Variants in ASXL1 observed in about 807,000 individuals in gnomAD.
The protein encoded by ASXL1 is ASXL transcriptional regulator 1.
ASXL1 carries 65 observed loss-of-function variants against 89.1 expected under a neutral mutation model. That is an observed-to-expected ratio of 0.73 (90% CI 0.60 to 0.90). ASXL1 has a LOEUF of 0.90. Ranked by LOEUF, ASXL1 falls within the 40% of genes least tolerant of loss-of-function variation. The pLI is 0.00. For missense variants in ASXL1, 1,786 were observed against 1,942.9 expected (o/e 0.92, Z 1.52); for synonymous variants, 739 against 746.9 (o/e 0.99, Z 0.17).
intron 4 of ASXL1, among the ~76,000 whole-genome samples, chr20:32,416,273 A>C (rs1213338630): frequency 6.6e-6 from 1 of 152,134 alleles, no homozygotes; most frequent in African/African-American, 2.4e-5. Context: ...TACTCCTTCT[A>C]TTTAACTGTA....
At chr20:32,394,137 G>A (rs2048721020) in intron 4 of ASXL1, among the ~76,000 whole-genome samples, 1 of 151,936 alleles carries the variant, frequency 6.6e-6, no homozygotes, top group African/African-American at 2.4e-5. Context: ...CAAGTAGCTG[G>A]TATTACAGGC....
intron 3 of ASXL1, among the ~76,000 whole-genome samples, chr20:32,367,983 G>T (rs114649653): frequency 1.7e-3 from 258 of 152,194 alleles, no homozygotes; most frequent in African/African-American, 6.1e-3. Context: ...ATTGGTTCTT[G>T]GTGAAAAATT....
rs776979634 is a variant in ASXL1, at chr20:32,434,675, A to G, written c.1963A>G (p.Thr655Ala). 19 of 1,602,622 alleles carry G rather than the reference A, an allele frequency of 1.2e-5. No homozygotes were observed. Among genetic ancestry groups the G allele is most frequent in the Middle Eastern group, 1.7e-4 (1 of 6,060 alleles). The change falls in exon 13 of 13, where the codon ACC becomes GCC. Residue 655 changes from threonine to alanine, a missense_variant. Transcript: ENST00000375687. The part of the protein sequence containing the change: ...GGPGGGGGGA[T>A]DEGGGRGSSS... ...CCCGGGTGGAGGTGGCGGCGGGGCC[A>G]CCGATGAGGGAGGTGGCAGAGGCAG... is the stretch of plus-strand genomic sequence containing the variant.
Position 32,390,907 on chromosome 20 carries a change from C to G in ASXL1, c.252+21784C>G, listed in dbSNP as rs149020562. Among the ~76,000 whole-genome samples, 989 of 150,416 alleles carry G rather than the reference C, an allele frequency of 6.6e-3. 3 individuals are homozygous for G. The highest frequency in any genetic ancestry group is 0.011 in the Non-Finnish European group (746 of 67,478). On this transcript the variant is annotated intron_variant, in intron 4 of 12. Coordinates refer to ENST00000375687, the MANE Select transcript of ASXL1 (RefSeq NM_015338.6). ...AATTTATTTCTTTTTTCTTTTTTTT[C>G]TTTTTGGAGACAAGGTCTTGCTCTG...
At chr20:32,411,537 T>G (rs1348109015) in intron 4 of ASXL1, among the ~76,000 whole-genome samples, 1 of 32,570 alleles carries the variant, frequency 3.1e-5, no homozygotes, top group Non-Finnish European at 9.6e-5. Flanking sequence ...CATGGATTCC[T>G]TTTTTTTTTT....
At chr20:32,390,029 T>TA (rs2048645296) in intron 4 of ASXL1, among the ~76,000 whole-genome samples, 1 of 152,262 alleles carries the variant, frequency 6.6e-6, no homozygotes, top group African/African-American at 2.4e-5. Context: ...GTCCTTGACT[T>TA]ATGATGTTTT....
chr20:32,429,409 G>A lies in ASXL1; in HGVS notation c.543G>A (p.Gly181=), dbSNP rs2011448762. 2 of 1,614,134 alleles carry A rather than the reference G, an allele frequency of 1.2e-6. No individual in the cohort carries two copies. Among genetic ancestry groups the A allele is most frequent in the Non-Finnish European group, 1.7e-6 (2 of 1,180,006 alleles). ...TCCTGACTCCTCTGAAGGTAAACGGGGCCCACGTGGAATCTGCATCAGGTA... is the reference window on the plus strand; with the variant it reads ...TCCTGACTCCTCTGAAGGTAAACGGAGCCCACGTGGAATCTGCATCAGGTA... ...RVVLTPLKVN[G]AHVESASGFS... The change falls in exon 7 of 13, where the codon GGG becomes GGA. Residue 181 remains glycine (G), a synonymous_variant. Coordinates refer to ENST00000375687, the MANE Select transcript of ASXL1 (RefSeq NM_015338.6). The surrounding 1 kb of genome is among the most constrained non-coding windows in gnomAD (Gnocchi z 4.9).
At chr20:32,390,924 C>T (rs372929691) in intron 4 of ASXL1, among the ~76,000 whole-genome samples, 37 of 151,728 alleles carry the variant, frequency 2.4e-4, no homozygotes, top group Middle Eastern at 7.0e-3. Flanking sequence ...GAGACAAGGT[C>T]TTGCTCTGTC....
At chr20:32,415,219 G>A (rs887308189) in intron 4 of ASXL1, among the ~76,000 whole-genome samples, 2 of 152,030 alleles carry the variant, frequency 1.3e-5, no homozygotes, top group Admixed American at 1.3e-4. Flanking sequence ...ATGTTGGCCA[G>A]GCTGGTCTCG....
At chr20:32,431,729 G>A in intron 10 of ASXL1, 50 bp downstream of exon 10, 1 of 1,570,622 alleles carries the variant, frequency 6.4e-7, no homozygotes, top group Admixed American at 1.7e-5. Context: ...CTGTCGTGTG[G>A]TGTTGCATGT....
In ASXL1 at chr20:32,437,542, ATTG is replaced by A; in HGVS notation, c.*205_*207del. Reference sequence around the variant, plus strand: ...TGGAGGGGTTTCCTGGGTATAACCCATTGGGCTGCCCAAGGCCAGCCAGCCTGA... The same window carrying A: ...TGGAGGGGTTTCCTGGGTATAACCCAGGCTGCCCAAGGCCAGCCAGCCTGA... On this transcript the variant is annotated 3_prime_UTR_variant, in exon 13 of 13. Transcript: ENST00000375687. The A allele has an allele frequency of 2.8e-6, 2 of 723,102 alleles. No homozygotes were observed. The highest frequency in any genetic ancestry group is 3.6e-5 in the South Asian group (2 of 55,640). The allele number at this position is 723,102 out of a possible 1,614,324, so 44.8% of individuals were successfully genotyped here.
At chr20:32,387,434 C>A (rs994938414) in intron 4 of ASXL1, among the ~76,000 whole-genome samples, 2 of 152,198 alleles carry the variant, frequency 1.3e-5, no homozygotes, top group East Asian at 1.9e-4. Flanking sequence ...GAGTCAGGCT[C>A]TTAAATACTA....
At chr20:32,369,410 G>A (rs757040453) in intron 4 of ASXL1, among the ~76,000 whole-genome samples, 5 of 151,840 alleles carry the variant, frequency 3.3e-5, no homozygotes, top group South Asian at 2.1e-4. Context: ...CACCATGCTC[G>A]GCTAATTTTT....
At chr20:32,359,994 AATG>A (rs922132783) in intron 1 of ASXL1, 2 of 593,564 alleles carry the variant, frequency 3.4e-6, no homozygotes, top group Non-Finnish European at 6.1e-6. Context: ...ATTCAGTTTT[AATG>A]ATGAGTGAAG....
intron 4 of ASXL1, among the ~76,000 whole-genome samples, chr20:32,405,152 C>G (rs976815188): frequency 6.6e-6 from 1 of 152,146 alleles, no homozygotes; most frequent in Non-Finnish European, 1.5e-5. Context: ...GAGACAGGGT[C>G]TGTCACTCTG....
At chr20:32,372,600 ATTTT>A (rs976041300) in intron 4 of ASXL1, 1 of 208,494 alleles carries the variant, frequency 4.8e-6, no homozygotes, top group Non-Finnish European at 8.7e-6. Flanking sequence ...TTATTTATTT[ATTTT>A]TTTTTTCTGA....
At position 32,437,472 on chromosome 20, in the gene ASXL1, A is replaced by G. The variant is rs1173830320; in HGVS notation, c.*134A>G. ...GCACTCTTGCCTTCCCCCAAAATTTACACTGCTAAAGCCCTCTGTCACTTG... is the reference window on the plus strand; with the variant it reads ...GCACTCTTGCCTTCCCCCAAAATTTGCACTGCTAAAGCCCTCTGTCACTTG... On this transcript the variant is annotated 3_prime_UTR_variant, in exon 13 of 13. Coordinates refer to ENST00000375687, the MANE Select transcript of ASXL1 (RefSeq NM_015338.6). 7.3e-7 allele frequency: 1 copy of G among 1,367,926 alleles called. No individual in the cohort carries two copies. Among genetic ancestry groups the G allele is most frequent in the African/African-American group, 1.4e-5 (1 of 69,876 alleles). The allele number at this position is 1,367,926 out of a possible 1,614,324, so 84.7% of individuals were successfully genotyped here. A position where few individuals can be genotyped will look rare whatever the true frequency, so the allele number is the denominator to read the frequency against.
intron 4 of ASXL1, among the ~76,000 whole-genome samples, chr20:32,390,838 G>T (rs1467403030): frequency 1.3e-5 from 2 of 152,108 alleles, no homozygotes. Flanking sequence ...CTTTTACTTA[G>T]TGTGAAGTAT....
chr20:32,404,717 G>A (rs780798313), intron 4 of ASXL1, among the ~76,000 whole-genome samples: 5 of 152,068 alleles, frequency 3.3e-5, no homozygotes, highest in South Asian at 2.1e-4. Context: ...CCTTATTCCC[G>A]CTTTCAGATA....
Sources: gnomAD v4.1 joint callset for allele counts (sites outside exome capture counted in the v4.1 genomes callset) on GRCh38, gnomAD v4.1.1 for gene constraint, Gnocchi (gnomAD v3.1) non-coding constraint, MANE v1.5 for transcripts, NCBI Gene and HGNC (gene_info 2026-07-23, HGNC 2026-07-21) for gene names.